Variants in KIAA2012 observed in about 807,000 individuals in gnomAD.
KIAA2012 encodes uncharacterized protein KIAA2012.
KIAA2012 carries 125 observed loss-of-function variants against 150.6 expected under a neutral mutation model. The observed-to-expected ratio is 0.83, with a 90% CI of 0.72 to 0.96. The LOEUF (loss-of-function observed/expected upper bound fraction) is 0.96. KIAA2012 is among the 40% of genes least tolerant of loss of function. The pLI, the probability that KIAA2012 is intolerant of heterozygous loss-of-function variation, is 0.00. For synonymous variants in KIAA2012, 462 were observed against 504.7 expected (o/e 0.92, Z 1.13); for missense variants, 1,219 against 1,354.9 (o/e 0.90, Z 1.57).
At chr2:202,169,957 G>A (rs529508317) in intron 15 of KIAA2012, among the ~76,000 whole-genome samples, 1 of 152,180 alleles carries the variant, frequency 6.6e-6, no homozygotes, top group South Asian at 2.1e-4. Context: ...CCATTCTCAT[G>A]CTCTGGCCGT....
chr2:202,151,443 A>T (rs1388859402), intron 13 of KIAA2012, among the ~76,000 whole-genome samples: 2 of 151,944 alleles, frequency 1.3e-5, no homozygotes, highest in African/African-American at 2.4e-5. Flanking sequence ...AAATAATCAG[A>T]CCACAGAGAT....
chr2:202,167,964 C>G (rs919286487), intron 15 of KIAA2012, among the ~76,000 whole-genome samples: 10 of 152,138 alleles, frequency 6.6e-5, no homozygotes, highest in Non-Finnish European at 1.5e-4. Flanking sequence ...TCCCAGGGTT[C>G]AAGTTCTAGC....
chr2:202,095,197 A>G (rs1317812994), intron 4 of KIAA2012, among the ~76,000 whole-genome samples: 1 of 152,016 alleles, frequency 6.6e-6, no homozygotes, highest in African/African-American at 2.4e-5. Flanking sequence ...ATAGGGGCCA[A>G]AAAAAAATCT....
chr2:202,103,149 A>G (rs1690093760), intron 8 of KIAA2012, 35 bp downstream of exon 8: 1 of 1,541,228 alleles, frequency 6.5e-7, no homozygotes. Flanking sequence ...CCTGAGGGAG[A>G]GCCTGGGATG....
At chr2:202,103,698 A>T (rs917177082) in intron 8 of KIAA2012, among the ~76,000 whole-genome samples, 1 of 152,240 alleles carries the variant, frequency 6.6e-6, no homozygotes, top group East Asian at 1.9e-4. Context: ...TTTGTAAGGG[A>T]TGACCTCTAT....
intron 12 of KIAA2012, chr2:202,137,948 G>C (rs1252464069): frequency 1.3e-5 from 2 of 153,110 alleles, no homozygotes; most frequent in African/African-American, 4.8e-5. Context: ...GCCTTTGTTT[G>C]ATTCATGTTT....
intron 12 of KIAA2012, among the ~76,000 whole-genome samples, chr2:202,132,802 A>AT (rs1227829333): frequency 9.2e-4 from 87 of 94,682 alleles, no homozygotes; most frequent in Non-Finnish European, 1.4e-3. Context: ...ATATATATAT[A>AT]TTTTTTTTTT....
chr2:202,088,953 G>A (rs1252779421), intron 2 of KIAA2012, among the ~76,000 whole-genome samples: 1 of 152,202 alleles, frequency 6.6e-6, no homozygotes, highest in Non-Finnish European at 1.5e-5. Flanking sequence ...ATGAGGCAGA[G>A]CAGGCCTTGA....
intron 7 of KIAA2012, among the ~76,000 whole-genome samples, chr2:202,101,979 A>G (rs1347273244): frequency 6.6e-6 from 1 of 152,144 alleles, no homozygotes; most frequent in Non-Finnish European, 1.5e-5. Context: ...TTGGCCCAGG[A>G]GCAAACAGCA....
At chr2:202,193,908 G>A (rs916222059) in intron 20 of KIAA2012, among the ~76,000 whole-genome samples, 8 of 152,214 alleles carry the variant, frequency 5.3e-5, no homozygotes, top group African/African-American at 1.9e-4. Context: ...AACCCTGTGA[G>A]GCAAGAGTTT....
At position 202,171,112 on chromosome 2, in the gene KIAA2012, T is replaced by TACACACACACACACACAC. The variant is rs10532176; in HGVS notation, c.2119+5768_2119+5785dup. Among the ~76,000 whole-genome samples, 94 of 149,830 alleles carry TACACACACACACACACAC rather than the reference T, an allele frequency of 6.3e-4. 1 individual carries two copies. The highest frequency in any genetic ancestry group is 2.2e-3 in the African/African-American group (89 of 40,478). On this transcript the variant is annotated intron_variant, in intron 15 of 23. Transcript: ENST00000498697. ...GGGAAATAGAGATTTAAAGAAATAC[T>TACACACACACACACACAC]ACACACACACACACACACACACACA...
chr2:202,153,241 C>G (rs1466185244), intron 13 of KIAA2012, among the ~76,000 whole-genome samples: 1 of 152,172 alleles, frequency 6.6e-6, no homozygotes, highest in East Asian at 1.9e-4. Context: ...TTCCTGCCTT[C>G]AGGGGGCTTC....
Position 202,161,602 on chromosome 2 carries a change from G to A in KIAA2012, c.2047-3682G>A, listed in dbSNP as rs373029362. ...GGAATTGTTCTACCTTCCCTTCACTGCAAGATTTAGCACTGTGTCTGCTGG... is the reference window on the plus strand; with the variant it reads ...GGAATTGTTCTACCTTCCCTTCACTACAAGATTTAGCACTGTGTCTGCTGG... On this transcript the variant is annotated intron_variant, in intron 14 of 23. Coordinates refer to ENST00000498697, the MANE Select transcript of KIAA2012 (RefSeq NM_001277372.4). Among the ~76,000 whole-genome samples the A allele has an allele frequency of 3.3e-5, 5 of 151,872 alleles. No individual in the cohort carries two copies. In the East Asian group the frequency reaches 5.8e-4, roughly 18 times the overall value.
intron 8 of KIAA2012, 21 bp downstream of exon 8, chr2:202,103,135 C>T: frequency 1.2e-5 from 18 of 1,549,272 alleles, no homozygotes; most frequent in Non-Finnish European, 1.5e-5. Context: ...GGTGCATGGG[C>T]ACTCCTGAGG....
chr2:202,133,142 T>TTTC (rs1690996700), intron 12 of KIAA2012, among the ~76,000 whole-genome samples: 6 of 126,982 alleles, frequency 4.7e-5, no homozygotes, highest in African/African-American at 1.9e-4. Flanking sequence ...TTTTTTTTTT[T>TTTC]CTGGAGAATG....
At chr2:202,089,517 C>T (rs1467602328) in intron 2 of KIAA2012, among the ~76,000 whole-genome samples, 1 of 152,190 alleles carries the variant, frequency 6.6e-6, no homozygotes, top group African/African-American at 2.4e-5. Flanking sequence ...AAGCCCAGCT[C>T]CACTTCTAAC....
intron 7 of KIAA2012, 83 bp from the exon 8 acceptor site, chr2:202,102,863 A>G: frequency 1.5e-6 from 2 of 1,291,830 alleles, no homozygotes; most frequent in Non-Finnish European, 2.1e-6. Context: ...CAAGAGATAC[A>G]ATAAGAGACA....
rs185626349 is a variant in KIAA2012, at chr2:202,202,386, T to C, written c.3408-43T>C. The C allele has an allele frequency of 2.7e-5, 11 of 400,164 alleles. No individual in the cohort carries two copies. In the Admixed American group the frequency reaches 4.8e-4, roughly 17 times the overall value. 24.8% of individuals were successfully genotyped at this position (400,164 alleles called of 1,614,324 possible). ...TGGCTTATAAGGACAATTTCTAGGG[T>C]GTTTAATCATTATTGGAATTGGGGG... On this transcript the variant is annotated intron_variant, in intron 22 of 23. Coordinates refer to ENST00000498697, the MANE Select transcript of KIAA2012 (RefSeq NM_001277372.4).
intron 21 of KIAA2012, among the ~76,000 whole-genome samples, chr2:202,196,474 C>A (rs910342626): frequency 6.6e-6 from 1 of 151,856 alleles, no homozygotes; most frequent in African/African-American, 2.4e-5. Flanking sequence ...GGATTACAGG[C>A]GTGAGCCACC....
Sources: allele counts gnomAD v4.1 joint callset (sites outside exome capture counted in the v4.1 genomes callset), GRCh38; gene constraint gnomAD v4.1.1; transcripts MANE v1.5; gene names NCBI Gene and HGNC (gene_info 2026-07-23, HGNC 2026-07-21).